TPO: variants seen among roughly 807,000 people sequenced by gnomAD.
TPO encodes thyroid microsomal antigen.
A neutral mutation model predicts 96.9 loss-of-function variants in TPO; 78 were observed. The observed-to-expected ratio is 0.81, with a 90% confidence interval of 0.67 to 0.97. The LOEUF is 0.97. Among genes scored for constraint, TPO ranks in the 50% least tolerant of loss-of-function variants. The pLI is 0.00. For missense variants in TPO, 1,252 were observed against 1,274.8 expected, an observed-to-expected ratio of 0.98 and a Z score of 0.27; for synonymous variants, 547 against 538.0, an observed-to-expected ratio of 1.02 and a Z score of -0.23.
intron 7 of TPO, among the ~76,000 whole-genome samples, chr2:1,475,579 G>A (rs536077057): frequency 2.4e-4 from 36 of 151,972 alleles, no homozygotes; most frequent in South Asian, 8.3e-4. Flanking sequence ...GCCCGCCACC[G>A]CGCCCGGCTA....
chr2:1,509,182 G>A (rs1302796123), intron 14 of TPO, among the ~76,000 whole-genome samples: 3 of 152,198 alleles, frequency 2.0e-5, no homozygotes, highest in African/African-American at 7.2e-5. Context: ...CAGTTTCCAT[G>A]TAGTTGAGCG....
rs10189135 is a variant in TPO at position 1,493,885 on chromosome 2, G to A, written c.1852G>A (p.Val618Met). Residue 618 changes from valine to methionine, a missense_variant, in exon 11 of 17, where the codon GTG (valine) becomes ATG (methionine). By Grantham distance (21) the Val-to-Met change is conservative (BLOSUM62 1). Coordinates refer to ENST00000329066, the MANE Select transcript of TPO (RefSeq NM_001206744.2). ...GAGCACAGCCATCGCCAGCAGGAGC[G>A]TGGCCGACAAGATCCTGGACTTGTA... is the stretch of plus-strand genomic sequence containing the variant. ...DLSTAIASRSVADKILDLYKH... is the reference protein window; with the variant it reads ...DLSTAIASRSMADKILDLYKH... The A allele has an allele frequency of 8.9e-3, 14,350 of 1,614,124 alleles. 1,085 individuals are homozygous for A. The African/African-American group carries it at 0.16, about 19-fold the overall frequency.
chr2:1,488,459 G>A (rs1671384973), intron 10 of TPO, among the ~76,000 whole-genome samples: 1 of 152,054 alleles, frequency 6.6e-6, no homozygotes, highest in African/African-American at 2.4e-5. Flanking sequence ...GCTCCTCTCA[G>A]GCCAGCAGCC....
At chr2:1,492,235 A>G (rs145863670) in intron 10 of TPO, among the ~76,000 whole-genome samples, 1 of 151,992 alleles carries the variant, frequency 6.6e-6, no homozygotes, top group African/African-American at 2.4e-5. Flanking sequence ...GCTCACGGCA[A>G]CCTCCGTCTC....
chr2:1,535,500 T>C (rs1405690651), intron 15 of TPO, among the ~76,000 whole-genome samples: 7 of 13,882 alleles, frequency 5.0e-4, no homozygotes, highest in African/African-American at 5.6e-4. Context: ...CGCCTATCCC[T>C]CCCACTGGGT....
intron 10 of TPO, among the ~76,000 whole-genome samples, chr2:1,489,650 C>CTGAATGAATGAA (rs59667255): frequency 0.26 from 39,306 of 150,262 alleles, 5,314 homozygotes; most frequent in South Asian, 0.35. Flanking sequence ...GGAACCCTCA[C>CTGAATGAATGAA]TGAATGAATG....
chr2:1,418,997 A>G (rs1663232412), intron 2 of TPO, among the ~76,000 whole-genome samples: 1 of 152,180 alleles, frequency 6.6e-6, no homozygotes, highest in South Asian at 2.1e-4. Context: ...TTTGGCTTTC[A>G]TATATATATT....
chr2:1,429,260 C>T (rs62105612), intron 3 of TPO, among the ~76,000 whole-genome samples: 70,912 of 151,408 alleles, frequency 0.47, 16,931 homozygotes, highest in Middle Eastern at 0.52. Flanking sequence ...ACTCCCCATT[C>T]AACTTCTGCC....
intron 1 of TPO, among the ~76,000 whole-genome samples, chr2:1,393,405 A>G (rs9679322): frequency 0.2 from 29,738 of 152,158 alleles, 5,253 homozygotes; most frequent in African/African-American, 0.47. Context: ...GTGGGGACAC[A>G]GATTCAAGCC....
intron 1 of TPO, among the ~76,000 whole-genome samples, chr2:1,396,259 C>T (rs190233008): frequency 1.7e-4 from 26 of 152,324 alleles, no homozygotes; most frequent in African/African-American, 5.5e-4. Context: ...GAAACTCAAA[C>T]CTGCCCCAAG....
intron 13 of TPO, among the ~76,000 whole-genome samples, chr2:1,502,980 G>T (rs927522839): frequency 6.6e-6 from 1 of 152,146 alleles, no homozygotes; most frequent in African/African-American, 2.4e-5. Flanking sequence ...GAGGCCTCAC[G>T]GGTCTCCGGC....
In TPO at chr2:1,391,103, C is replaced by T. The variant is rs181592088; in HGVS notation, n.180+16701C>T. On this transcript the variant is annotated intron_variant and non_coding_transcript_variant, in intron 1 of 5. Coordinates refer to the TPO transcript ENST00000497517. ...TGGTGTTTTAGTCATGAAGTCCTTG[C>T]CCATGCCTATGTCCTGAATGGTATC... Among the ~76,000 whole-genome samples the T allele has an allele frequency of 3.8e-3, 583 of 152,300 alleles. 1 individual carries two copies. The highest frequency in any genetic ancestry group is 0.013 in the African/African-American group (553 of 41,562).
At chr2:1,376,174 T>C (rs1467662868) in intron 1 of TPO, among the ~76,000 whole-genome samples, 3 of 152,140 alleles carry the variant, frequency 2.0e-5, no homozygotes, top group Admixed American at 6.5e-5. Context: ...CTAATGGGTA[T>C]AAAACCCGCC....
intron 8 of TPO, chr2:1,478,466 G>T (rs1670201992): frequency 1.2e-5 from 11 of 927,832 alleles, no homozygotes; most frequent in Non-Finnish European, 1.4e-5. Context: ...AGGCACAGGG[G>T]CTGTGTGTGG....
chr2:1,515,772 AACCAAACCAAGC>A (rs1019537407), intron 14 of TPO, among the ~76,000 whole-genome samples: 1 of 152,018 alleles, frequency 6.6e-6, no homozygotes, highest in Non-Finnish European at 1.5e-5. Context: ...TGAGAAATAG[AACCAAACCAAGC>A]ACCCATTCCC....
intron 15 of TPO, among the ~76,000 whole-genome samples, chr2:1,528,753 GTGTGCAGCCTCCTCAAATCCCCCC>G (rs1677241807): frequency 1.0e-5 from 1 of 95,260 alleles, no homozygotes; most frequent in African/African-American, 5.0e-5. Flanking sequence ...CCCCCACACT[GTGTGCAGCCTCCTCAAATCCCCCC>G]ACTGTGTGCA....
intron 5 of TPO, among the ~76,000 whole-genome samples, chr2:1,443,247 T>G (rs1214616759): frequency 6.6e-6 from 1 of 152,188 alleles, no homozygotes; most frequent in Non-Finnish European, 1.5e-5. Context: ...GGCTCCTTCT[T>G]GTTTGTATGA....
intron 14 of TPO, among the ~76,000 whole-genome samples, chr2:1,514,006 T>C (rs554140359): frequency 6.6e-6 from 1 of 152,338 alleles, no homozygotes; most frequent in East Asian, 1.9e-4. Flanking sequence ...CTTCTAGCTC[T>C]ATGTACCGAT....
In TPO at chr2:1,377,410, G is replaced by A. The variant is rs117587293; in HGVS notation, n.180+3008G>A. Among the ~76,000 whole-genome samples, 237 of 152,310 alleles carry A rather than the reference G, an allele frequency of 1.6e-3. 4 individuals are homozygous for A. In the East Asian group the frequency reaches 0.041, roughly 26 times the overall value. On this transcript the variant is annotated intron_variant and non_coding_transcript_variant, in intron 1 of 5. Coordinates refer to the TPO transcript ENST00000497517. ...AAAGGCATTTTCAAAAGTTAGCCTC[G>A]AGGAGATTCTGGAGATTTCTGTGCT...
Sources: allele counts gnomAD v4.1 joint callset (sites outside exome capture counted in the v4.1 genomes callset), GRCh38; gene constraint gnomAD v4.1.1; transcripts MANE v1.5; gene names NCBI Gene and HGNC (gene_info 2026-07-23, HGNC 2026-07-21).